Variants in MAGI2 observed in about 807,000 individuals in gnomAD.
MAGI2 encodes membrane-associated guanylate kinase, WW and PDZ domain-containing protein 2.
A neutral mutation model predicts 133.3 loss-of-function variants in MAGI2; 35 were observed. The ratio of observed to expected loss-of-function variants is 0.26; its 90% confidence interval spans 0.20 to 0.35. MAGI2 has a LOEUF of 0.35. Ranked by LOEUF, MAGI2 falls within the 10% of genes least tolerant of loss-of-function variation. MAGI2 has a pLI of 1.00. For synonymous variants in MAGI2, 729 were observed against 710.6 expected (o/e 1.03, Z -0.41); for missense variants, 1,636 against 1,863.4 (o/e 0.88, Z 2.25).
At chr7:78,598,245 T>C (rs1804823088) in intron 3 of MAGI2, among the ~76,000 whole-genome samples, 1 of 152,092 alleles carries the variant, frequency 6.6e-6, no homozygotes, top group South Asian at 2.1e-4. Flanking sequence ...CGGAAATAAA[T>C]AAATGAAAAC....
intron 2 of MAGI2, among the ~76,000 whole-genome samples, chr7:79,006,045 G>C (rs188990565): frequency 1.3e-5 from 2 of 152,254 alleles, no homozygotes; most frequent in African/African-American, 4.8e-5. Flanking sequence ...AGGTGGGTAG[G>C]TCAATAGGGC....
chr7:78,935,853 G>A (rs922350652), intron 2 of MAGI2, among the ~76,000 whole-genome samples: 1 of 151,988 alleles, frequency 6.6e-6, no homozygotes, highest in Non-Finnish European at 1.5e-5. Context: ...CTCAAGTCTG[G>A]CCCTACATGT....
intron 9 of MAGI2, among the ~76,000 whole-genome samples, chr7:78,320,057 C>G (rs1248377610): frequency 6.6e-6 from 1 of 152,186 alleles, no homozygotes; most frequent in African/African-American, 2.4e-5. Context: ...CACATGCACT[C>G]TCCCGAGTCT....
rs192395421 is a variant in MAGI2, at chr7:79,251,385, T to C, written c.301+201635A>G. Reference sequence around the variant, plus strand: ...AATATATAAGGAGTTCAAACAACTCTATAGAAAAAAACTCATAATCCAATA... The same window carrying C: ...AATATATAAGGAGTTCAAACAACTCCATAGAAAAAAACTCATAATCCAATA... On this transcript the variant is annotated intron_variant, in intron 1 of 21. Transcript: ENST00000354212. 8.6e-5 allele frequency among the ~76,000 whole-genome samples: 13 copies of C among 151,988 alleles called. No individual in the cohort carries two copies. In the East Asian group the frequency reaches 2.5e-3, roughly 29 times the overall value.
intron 9 of MAGI2, among the ~76,000 whole-genome samples, chr7:78,327,691 A>C (rs147813706): frequency 0.012 from 1,871 of 152,282 alleles, 23 homozygotes; most frequent in East Asian, 0.017. Flanking sequence ...ATATCCCCTG[A>C]TAAGGTTTGC....
chr7:79,360,962 C>T (rs1842340237), intron 1 of MAGI2, among the ~76,000 whole-genome samples: 1 of 151,948 alleles, frequency 6.6e-6, no homozygotes, highest in African/African-American at 2.4e-5. Context: ...CTATATGCTG[C>T]TTACAAGAAA....
At chr7:78,278,121 A>G (rs1198154792) in intron 9 of MAGI2, among the ~76,000 whole-genome samples, 1 of 152,162 alleles carries the variant, frequency 6.6e-6, no homozygotes, top group African/African-American at 2.4e-5. Context: ...TCACATCATT[A>G]TTTCAGCAAA....
chr7:78,383,109 T>A (rs1021820946), intron 6 of MAGI2, among the ~76,000 whole-genome samples: 3 of 152,130 alleles, frequency 2.0e-5, no homozygotes, highest in Non-Finnish European at 2.9e-5. Flanking sequence ...TGATTTCTTT[T>A]GCTTTGAGTA....
chr7:78,265,612 C>T (rs1318304358), intron 9 of MAGI2, among the ~76,000 whole-genome samples: 3 of 152,064 alleles, frequency 2.0e-5, no homozygotes, highest in African/African-American at 2.4e-5. Flanking sequence ...TGTAGCATTC[C>T]CCTGTACTCT....
chr7:78,478,895 C>A (rs909488773), intron 6 of MAGI2, among the ~76,000 whole-genome samples: 1 of 151,908 alleles, frequency 6.6e-6, no homozygotes, highest in African/African-American at 2.4e-5. Context: ...TCTCCCTGGC[C>A]GAAGGGCAAG....
intron 20 of MAGI2, among the ~76,000 whole-genome samples, chr7:78,108,704 ATGTGAGTG>A (rs1818970717): frequency 8.3e-6 from 1 of 120,474 alleles, no homozygotes; most frequent in African/African-American, 2.6e-5. Flanking sequence ...ACACACACAT[ATGTGAGTG>A]TATATATGTG....
intron 1 of MAGI2, among the ~76,000 whole-genome samples, chr7:79,039,562 T>C (rs1203633769): frequency 6.6e-6 from 1 of 151,498 alleles, no homozygotes; most frequent in African/African-American, 2.4e-5. Context: ...ATCAACAGAG[T>C]GAAGAGACAA....
chr7:78,481,669 T>G (rs1237949013), intron 6 of MAGI2, among the ~76,000 whole-genome samples: 1 of 151,704 alleles, frequency 6.6e-6, no homozygotes, highest in Non-Finnish European at 1.5e-5. Context: ...AAGAATAGCC[T>G]TTTCAACAAA....
chr7:78,619,526 G>T (rs1416610276), intron 3 of MAGI2, among the ~76,000 whole-genome samples: 1 of 151,822 alleles, frequency 6.6e-6, no homozygotes, highest in African/African-American at 2.4e-5. Context: ...TGATTTATAT[G>T]ATAATATTAA....
intron 3 of MAGI2, among the ~76,000 whole-genome samples, chr7:78,527,772 T>C (rs897598667): frequency 9.9e-5 from 15 of 152,248 alleles, no homozygotes; most frequent in African/African-American, 3.1e-4. Context: ...TACTTTAGTT[T>C]ATTTGGCTTT....
chr7:78,990,905 T>TACACACACACACACACACAC (rs140828645), intron 2 of MAGI2, among the ~76,000 whole-genome samples: 6 of 141,392 alleles, frequency 4.2e-5, no homozygotes, highest in Admixed American at 1.4e-4. Context: ...TATATGTACA[T>TACACACACACACACACACAC]ACACACACAC....
At chr7:78,156,651 G>T (rs1229815735) in intron 16 of MAGI2, among the ~76,000 whole-genome samples, 1 of 151,680 alleles carries the variant, frequency 6.6e-6, no homozygotes. Flanking sequence ...CTTCCTCAAG[G>T]TCACATGGTT....
intron 1 of MAGI2, among the ~76,000 whole-genome samples, chr7:79,151,400 T>C (rs1823226087): frequency 6.6e-6 from 1 of 152,180 alleles, no homozygotes; most frequent in Non-Finnish European, 1.5e-5. Flanking sequence ...AATACTAGAA[T>C]GTAAATGATT....
chr7:79,229,507 T>C (rs1401830206), intron 1 of MAGI2, among the ~76,000 whole-genome samples: 1 of 152,192 alleles, frequency 6.6e-6, no homozygotes, highest in African/African-American at 2.4e-5. Flanking sequence ...ACATACTGTT[T>C]TTGAATCAGT....
Sources: gnomAD v4.1 joint callset for allele counts (sites outside exome capture counted in the v4.1 genomes callset) on GRCh38, gnomAD v4.1.1 for gene constraint, MANE v1.5 for transcripts, NCBI Gene and HGNC (gene_info 2026-07-23, HGNC 2026-07-21) for gene names.